Variants in RGS7BP observed in about 807,000 individuals in gnomAD.
RGS7BP encodes regulator of G protein signaling 7 binding protein.
In RGS7BP, 9 loss-of-function variants were observed where a neutral mutation model predicts 31.3. That is an observed-to-expected ratio of 0.29 (90% confidence interval 0.17 to 0.50). The LOEUF is 0.50. Among genes scored for constraint, RGS7BP ranks in the 20% least tolerant of loss-of-function variants. The probability of loss-of-function intolerance (pLI) is 0.98; values close to 1 mark genes in which losing one functional copy is unlikely to be tolerated. For synonymous variants in RGS7BP, 115 were observed against 120.1 expected, an observed-to-expected ratio of 0.96 and a Z score of 0.28; for missense variants, 274 against 322.0, an observed-to-expected ratio of 0.85 and a Z score of 1.14.
At chr5:64,592,630 AG>A (rs1047996369) in intron 3 of RGS7BP, among the ~76,000 whole-genome samples, 78 of 152,266 alleles carry the variant, frequency 5.1e-4, no homozygotes, top group African/African-American at 1.7e-3. Context: ...TTGGAATAAA[AG>A]CTTCAGGCTC....
intron 4 of RGS7BP, among the ~76,000 whole-genome samples, chr5:64,596,300 G>A (rs185263165): frequency 6.0e-4 from 92 of 152,262 alleles, no homozygotes; most frequent in Middle Eastern, 6.8e-3. Flanking sequence ...GGCTAACTCC[G>A]TTCTCCCTGG....
At position 64,557,425 on chromosome 5, in the gene RGS7BP, C is replaced by T. The variant is rs550150146; in HGVS notation, c.333-18349C>T. Reference sequence around the variant, plus strand: ...ATGAACGATGTTTTCCATCCTGATACAAGTGCTCTTTGCAGCAGGTTCAGA... The same window carrying T: ...ATGAACGATGTTTTCCATCCTGATATAAGTGCTCTTTGCAGCAGGTTCAGA... On this transcript the variant is annotated intron_variant, in intron 2 of 5. Transcript: ENST00000334025. Among the ~76,000 whole-genome samples the T allele has an allele frequency of 7.2e-5, 11 of 152,300 alleles. No homozygotes were observed. In the South Asian group the frequency reaches 2.3e-3, roughly 32 times the overall value.
intron 2 of RGS7BP, among the ~76,000 whole-genome samples, chr5:64,545,269 T>TG (rs1308373821): frequency 6.6e-6 from 1 of 150,594 alleles, no homozygotes; most frequent in African/African-American, 2.5e-5. Flanking sequence ...TGTTGTGAGA[T>TG]GGGGGAGTGG....
chr5:64,601,080 T>C (rs1220009928), intron 5 of RGS7BP, among the ~76,000 whole-genome samples: 2 of 152,204 alleles, frequency 1.3e-5, no homozygotes, highest in Non-Finnish European at 2.9e-5. Flanking sequence ...TGGAAAAAAG[T>C]ATTCCAGTTC....
intron 2 of RGS7BP, among the ~76,000 whole-genome samples, chr5:64,553,420 C>T (rs1741843952): frequency 6.6e-6 from 1 of 152,118 alleles, no homozygotes; most frequent in East Asian, 1.9e-4. Flanking sequence ...GATCCACCTG[C>T]CTCGGTCTCC....
intron 3 of RGS7BP, among the ~76,000 whole-genome samples, chr5:64,581,356 TGA>T (rs1379848481): frequency 6.6e-6 from 1 of 152,250 alleles, no homozygotes; most frequent in Non-Finnish European, 1.5e-5. Context: ...GGATTGCAAC[TGA>T]GTCACTAAAT....
At chr5:64,548,727 G>A (rs574402318) in intron 2 of RGS7BP, among the ~76,000 whole-genome samples, 150 of 151,958 alleles carry the variant, frequency 9.9e-4, no homozygotes, top group African/African-American at 3.6e-3. Flanking sequence ...GGCTGGTCTC[G>A]AACTTCTGAC....
At chr5:64,517,829 G>A (rs1749013644) in intron 2 of RGS7BP, among the ~76,000 whole-genome samples, 1 of 152,200 alleles carries the variant, frequency 6.6e-6, no homozygotes, top group African/African-American at 2.4e-5. Context: ...TGTGAAATGG[G>A]ATAGAGCCTG....
At chr5:64,541,924 GA>G (rs1407279941) in intron 2 of RGS7BP, among the ~76,000 whole-genome samples, 1 of 149,766 alleles carries the variant, frequency 6.7e-6, no homozygotes, top group East Asian at 2.0e-4. Flanking sequence ...GTAAAAATCA[GA>G]AATCATTTCA....
At chr5:64,565,640 C>T (rs546958287) in intron 2 of RGS7BP, among the ~76,000 whole-genome samples, 2 of 152,236 alleles carry the variant, frequency 1.3e-5, no homozygotes, top group East Asian at 3.9e-4. Flanking sequence ...CACATAGGCA[C>T]TGCTTTTAAA....
At chr5:64,547,530 A>C (rs1191810356) in intron 2 of RGS7BP, among the ~76,000 whole-genome samples, 2 of 152,200 alleles carry the variant, frequency 1.3e-5, no homozygotes, top group African/African-American at 4.8e-5. Flanking sequence ...ATTGGCTACC[A>C]CCTTTCCAGT....
intron 3 of RGS7BP, among the ~76,000 whole-genome samples, chr5:64,592,873 A>G (rs1580462703): frequency 6.6e-6 from 1 of 152,194 alleles, no homozygotes. Flanking sequence ...CATCTCAGCT[A>G]CCCCTGCTCA....
intron 3 of RGS7BP, among the ~76,000 whole-genome samples, chr5:64,587,282 A>T (rs1288707113): frequency 6.6e-6 from 1 of 152,192 alleles, no homozygotes; most frequent in Non-Finnish European, 1.5e-5. Context: ...ACAAGGAAGG[A>T]TGACTTCAAC....
chr5:64,552,295 C>A (rs1323347520), intron 2 of RGS7BP, among the ~76,000 whole-genome samples: 1 of 152,024 alleles, frequency 6.6e-6, no homozygotes, highest in Non-Finnish European at 1.5e-5. Context: ...AATGGTTACT[C>A]TTTTTTCTTC....
chr5:64,596,047 T>C (rs563795400), intron 4 of RGS7BP, among the ~76,000 whole-genome samples: 11 of 152,222 alleles, frequency 7.2e-5, no homozygotes, highest in Non-Finnish European at 1.5e-4. Context: ...TTCTTAGCTC[T>C]GTTCCCAGGG....
chr5:64,575,808 C>T lies in RGS7BP; in HGVS notation c.367C>T (p.Arg123Trp), dbSNP rs202031234. The T allele has an allele frequency of 2.5e-6, 4 of 1,611,942 alleles. No homozygotes were observed. Among genetic ancestry groups the T allele is most frequent in the Non-Finnish European group, 2.5e-6 (3 of 1,179,066 alleles). The change falls in exon 3 of 6, where the codon CGG becomes TGG. Residue 123 changes from arginine (R) to tryptophan (W), a missense_variant. Arg to Trp is a moderately radical substitution (Grantham distance 101). This residue lies in a region of RGS7BP where 13 missense variants were observed against 38.5 expected (regional missense o/e 0.34). Transcript: ENST00000334025. ...TGGTGAGATCCATCCAGAAATCTGT[C>T]GGCTTTACATCCAGCTGCAGTGCTG... The part of the protein sequence containing the change: ...EDGEIHPEIC[R>W]LYIQLQCCLE...
In RGS7BP at chr5:64,594,761, G is replaced by C; in HGVS notation, c.515G>C (p.Ser172Thr). Residue 172 changes from serine to threonine, a missense_variant, in exon 4 of 6, where the codon AGT (serine) becomes ACT (threonine). Ser to Thr is a moderately conservative substitution (Grantham distance 58). This residue lies in a region of RGS7BP where 112 missense variants were observed against 130.9 expected (regional missense o/e 0.86). Transcript: ENST00000334025. ...TKSLDCKIEESAETPALEDSS... is the reference protein window; with the variant it reads ...TKSLDCKIEETAETPALEDSS... ...AGTTTGGATTGCAAAATTGAGGAGAGTGCTGAAACACCTGCCCTAGAAGAC... is the reference window on the plus strand; with the variant it reads ...AGTTTGGATTGCAAAATTGAGGAGACTGCTGAAACACCTGCCCTAGAAGAC... 6.2e-7 allele frequency: 1 copy of C among 1,613,818 alleles called. No individual in the cohort carries two copies. Among genetic ancestry groups the C allele is most frequent in the Non-Finnish European group, 8.5e-7 (1 of 1,179,826 alleles).
intron 5 of RGS7BP, among the ~76,000 whole-genome samples, chr5:64,600,848 T>C (rs1256300131): frequency 6.6e-6 from 1 of 152,210 alleles, no homozygotes; most frequent in Non-Finnish European, 1.5e-5. Flanking sequence ...AAGGGGACTG[T>C]GTCTGAACTG....
intron 5 of RGS7BP, among the ~76,000 whole-genome samples, chr5:64,603,458 C>A (rs1052117843): frequency 2.6e-5 from 4 of 152,094 alleles, no homozygotes; most frequent in African/African-American, 9.7e-5. Flanking sequence ...GCATCATCAG[C>A]ATAGTGGGAA....
Sources: gnomAD v4.1 joint callset for allele counts (sites outside exome capture counted in the v4.1 genomes callset) on GRCh38, gnomAD v4.1.1 for gene constraint, gnomAD v4.1.1 regional missense constraint, MANE v1.5 for transcripts, NCBI Gene and HGNC (gene_info 2026-07-23, HGNC 2026-07-21) for gene names.